NPAS2: variants seen among roughly 807,000 people sequenced by gnomAD.
NPAS2 encodes neuronal PAS domain protein 2.
Under a neutral mutation model 107.5 loss-of-function variants are expected in NPAS2, and 23 were observed. That is an observed-to-expected ratio of 0.21 (90% CI 0.15 to 0.30). The LOEUF is 0.30. Among genes scored for constraint, NPAS2 ranks in the 10% least tolerant of loss-of-function variants. The pLI, the probability that NPAS2 is intolerant of heterozygous loss-of-function variation, is 1.00. For missense variants in NPAS2, 756 were observed against 1,043.3 expected, an observed-to-expected ratio of 0.72 and a Z score of 3.79; for synonymous variants, 403 against 417.5, an observed-to-expected ratio of 0.97 and a Z score of 0.42.
At chr2:100,971,272 C>T (rs1676532889) in intron 12 of NPAS2, among the ~76,000 whole-genome samples, 198 bp downstream of exon 12, 1 of 139,098 alleles carries the variant, frequency 7.2e-6, no homozygotes, top group African/African-American at 2.8e-5. Context: ...ATACTCCAGC[C>T]CGGATGACAG....
Position 100,820,142 on chromosome 2 carries a change from T to C in NPAS2, c.-295T>C, listed in dbSNP as rs1249017879. 1 of 150,728 alleles carries C rather than the reference T, an allele frequency of 6.6e-6. No homozygotes were observed. The highest frequency in any genetic ancestry group is 6.6e-5 in the Admixed American group (1 of 15,180). 9.3% of individuals were successfully genotyped at this position (150,728 alleles called of 1,614,324 possible). On this transcript the variant is annotated 5_prime_UTR_variant, in exon 1 of 21. Transcript: ENST00000335681. The surrounding 1 kb of genome is among the most constrained non-coding windows in gnomAD (Gnocchi z 5.6). ...GGCGGCTCTCCCCGCCGGCTCTGCG[T>C]GCGGAAGAGTTTGCCGCGCGAGCAG...
intron 16 of NPAS2, chr2:100,987,692 T>C (rs913520812): frequency 4.6e-6 from 1 of 216,082 alleles, no homozygotes; most frequent in African/African-American, 2.3e-5. Context: ...GGCAATATTA[T>C]CATGACTGCA....
intron 3 of NPAS2, among the ~76,000 whole-genome samples, 186 bp downstream of exon 3, chr2:100,925,480 G>A (rs1213144670): frequency 6.6e-6 from 1 of 152,098 alleles, no homozygotes; most frequent in African/African-American, 2.4e-5. Context: ...TGGGGAGAGG[G>A]CACACACCTC....
At chr2:100,869,005 C>T (rs1385268110) in intron 1 of NPAS2, among the ~76,000 whole-genome samples, 8 of 152,106 alleles carry the variant, frequency 5.3e-5, no homozygotes, top group Admixed American at 2.6e-4. Context: ...AATCTCAGCT[C>T]GCTGCAACCT....
Position 100,932,983 on chromosome 2 carries a change from C to T in NPAS2, c.255C>T (p.Phe85=), listed in dbSNP as rs753154661. The change falls in exon 4 of 21, where the codon TTC becomes TTT. Residue 85 remains phenylalanine, a synonymous_variant. Coordinates refer to ENST00000335681, the MANE Select transcript of NPAS2 (RefSeq NM_002518.4). ...WKPSFLSNEE[F]TQLMLEALDG... is the part of the protein sequence containing the mutation. ...CTTCATTCCTCAGTAATGAAGAATTCACCCAGCTGATGTTGGAGGTGAAAT... is the reference window on the plus strand; with the variant it reads ...CTTCATTCCTCAGTAATGAAGAATTTACCCAGCTGATGTTGGAGGTGAAAT... The T allele has an allele frequency of 6.2e-7, 1 of 1,613,292 alleles. No individual in the cohort carries two copies. Among genetic ancestry groups the T allele is most frequent in the Non-Finnish European group, 8.5e-7 (1 of 1,179,224 alleles).
intron 10 of NPAS2, among the ~76,000 whole-genome samples, chr2:100,967,100 C>A (rs1025597621): frequency 6.6e-6 from 1 of 152,082 alleles, no homozygotes; most frequent in Non-Finnish European, 1.5e-5. Flanking sequence ...AACAAGATCC[C>A]GAAGTGAAGA....
In NPAS2 at chr2:100,961,471, T is replaced by C. The variant is rs1042232994; in HGVS notation, c.599-2587T>C. Among the ~76,000 whole-genome samples the C allele has an allele frequency of 3.3e-5, 5 of 152,012 alleles. No homozygotes were observed. In the East Asian group the frequency reaches 7.7e-4, roughly 23 times the overall value. On this transcript the variant is annotated intron_variant, in intron 7 of 20. Coordinates refer to ENST00000335681, the MANE Select transcript of NPAS2 (RefSeq NM_002518.4). ...AAGTTTTTTGGTGGGAAAGGCATATTGAAGAGAGAAGTTGCCCCGTTCTGG... is the reference window on the plus strand; with the variant it reads ...AAGTTTTTTGGTGGGAAAGGCATATCGAAGAGAGAAGTTGCCCCGTTCTGG...
intron 1 of NPAS2, among the ~76,000 whole-genome samples, chr2:100,842,089 A>AGTG (rs1558798491): frequency 7.5e-6 from 1 of 134,086 alleles, no homozygotes; most frequent in Non-Finnish European, 1.7e-5. Flanking sequence ...GCGCACACAC[A>AGTG]CACACACACA....
intron 2 of NPAS2, among the ~76,000 whole-genome samples, chr2:100,919,752 A>G (rs1304802954): frequency 6.6e-6 from 1 of 151,944 alleles, no homozygotes; most frequent in African/African-American, 2.4e-5. Flanking sequence ...TCTGCTGCCA[A>G]ACTTGACCAC....
rs552305731 is a variant in NPAS2 at position 100,838,226 on chromosome 2, T to A, written c.-23+17812T>A. Among the ~76,000 whole-genome samples, 3 of 152,032 alleles carry A rather than the reference T, an allele frequency of 2.0e-5. No individual in the cohort carries two copies. In the South Asian group the frequency reaches 6.3e-4, roughly 32 times the overall value. ...TAAGTCAGATGGGTTATAATAAACA[T>A]TTAAGATTTGCTTTTCATGAATATG... is the stretch of plus-strand genomic sequence containing the variant. On this transcript the variant is annotated intron_variant, in intron 1 of 20. Transcript: ENST00000335681.
intron 6 of NPAS2, 104 bp from the exon 7 acceptor site, chr2:100,949,263 G>A (rs1675082990): frequency 4.1e-6 from 3 of 732,282 alleles, no homozygotes; most frequent in Non-Finnish European, 4.9e-6. Context: ...GCCTGGCCAT[G>A]TGTAGACTAA....
chr2:100,937,617 C>T, intron 4 of NPAS2, 136 bp from the exon 5 acceptor site: 2 of 711,902 alleles, frequency 2.8e-6, no homozygotes. Flanking sequence ...CCAAGAAGTG[C>T]CGTGAGGTTA....
chr2:100,843,012 A>T (rs1677538913), intron 1 of NPAS2, among the ~76,000 whole-genome samples: 2 of 152,012 alleles, frequency 1.3e-5, no homozygotes, highest in African/African-American at 2.4e-5. Flanking sequence ...TGAGGTCAAG[A>T]GATTGAGACC....
chr2:100,979,358 C>T (rs1339910193), intron 15 of NPAS2, among the ~76,000 whole-genome samples: 1 of 151,536 alleles, frequency 6.6e-6, no homozygotes, highest in Admixed American at 6.6e-5. Flanking sequence ...ACTTCTGGGT[C>T]TTGCATTATG....
intron 12 of NPAS2, among the ~76,000 whole-genome samples, chr2:100,973,838 G>C (rs1676767500): frequency 6.6e-6 from 1 of 152,104 alleles, no homozygotes; most frequent in African/African-American, 2.4e-5. Context: ...CCCAACCTTT[G>C]TTTGGTTTAT....
chr2:100,867,551 C>T (rs1679329779), intron 1 of NPAS2, among the ~76,000 whole-genome samples: 1 of 152,026 alleles, frequency 6.6e-6, no homozygotes, highest in Non-Finnish European at 1.5e-5. Flanking sequence ...TGTTTTTTCT[C>T]CTTTTACTCT....
At chr2:100,956,363 C>A (rs375990137) in intron 7 of NPAS2, among the ~76,000 whole-genome samples, 1 of 152,242 alleles carries the variant, frequency 6.6e-6, no homozygotes, top group East Asian at 1.9e-4. Flanking sequence ...CTCCTTCCTT[C>A]CTCCCTCCAG....
chr2:100,963,522 C>G (rs1202504722), intron 7 of NPAS2, among the ~76,000 whole-genome samples: 1 of 152,116 alleles, frequency 6.6e-6, no homozygotes, highest in Non-Finnish European at 1.5e-5. Context: ...TCTCAGCCTC[C>G]CAAGCAGTTG....
chr2:100,915,587 G>C (rs570610064), intron 2 of NPAS2, among the ~76,000 whole-genome samples: 1 of 152,176 alleles, frequency 6.6e-6, no homozygotes. Context: ...ACATATTTTA[G>C]TAGCACTATG....
Sources: gnomAD v4.1 joint callset for allele counts (sites outside exome capture counted in the v4.1 genomes callset) on GRCh38, gnomAD v4.1.1 for gene constraint, Gnocchi (gnomAD v3.1) non-coding constraint, MANE v1.5 for transcripts, NCBI Gene and HGNC (gene_info 2026-07-23, HGNC 2026-07-21) for gene names.